The following RPS6KC1 variants were observed in gnomAD, a reference collection of about 807,000 sequenced individuals.
The protein encoded by RPS6KC1 is ribosomal protein S6 kinase C1.
Under a neutral mutation model 103.8 loss-of-function variants are expected in RPS6KC1, and 54 were observed. That is an observed-to-expected ratio of 0.52 (90% CI 0.42 to 0.65). RPS6KC1 has a LOEUF of 0.65. RPS6KC1 is among the 30% of genes least tolerant of loss of function. The pLI is 0.00. For missense variants in RPS6KC1, 1,151 were observed against 1,253.8 expected, an observed-to-expected ratio of 0.92 and a Z score of 1.24; for synonymous variants, 439 against 438.7, an observed-to-expected ratio of 1.00 and a Z score of -0.01.
At chr1:213,758,908 G>T in the RPS6KC1 span, among the ~76,000 whole-genome samples, 5 of 152,000 alleles carry the variant, frequency 3.3e-5, no homozygotes, top group South Asian at 4.2e-4. Flanking sequence ...GACAACAAAA[G>T]ATTTAGAATA....
At chr1:213,450,023 A>G in the RPS6KC1 span, among the ~76,000 whole-genome samples, 2 of 152,168 alleles carry the variant, frequency 1.3e-5, no homozygotes, top group African/African-American at 4.8e-5. Flanking sequence ...AACAGGAACT[A>G]GTTGCCTTCA....
chr1:213,188,430 T>C (rs1299833477), intron 8 of RPS6KC1, among the ~76,000 whole-genome samples: 1 of 152,046 alleles, frequency 6.6e-6, no homozygotes, highest in Admixed American at 6.6e-5. Context: ...TTGTTTGTTT[T>C]TTTCTTACTT....
At chr1:213,086,555 T>C (rs1322089960) in intron 3 of RPS6KC1, among the ~76,000 whole-genome samples, 1 of 152,210 alleles carries the variant, frequency 6.6e-6, no homozygotes, top group Non-Finnish European at 1.5e-5. Context: ...CTAAGAGTTG[T>C]CTTTTATTTC....
the RPS6KC1 span, among the ~76,000 whole-genome samples, chr1:213,335,522 G>T: frequency 6.6e-6 from 1 of 152,218 alleles, no homozygotes; most frequent in African/African-American, 2.4e-5. Flanking sequence ...CAGCAGAAAG[G>T]ACAGAAGGGC....
At chr1:213,574,063 A>C in the RPS6KC1 span, among the ~76,000 whole-genome samples, 1 of 152,228 alleles carries the variant, frequency 6.6e-6, no homozygotes, top group African/African-American at 2.4e-5. Context: ...GCAAATCAGA[A>C]GTAAAAACAA....
chr1:213,331,969 G>A, the RPS6KC1 span, among the ~76,000 whole-genome samples: 2 of 151,062 alleles, frequency 1.3e-5, no homozygotes, highest in African/African-American at 4.9e-5. Context: ...TGTCTGTTTG[G>A]GCTCCCAGAT....
At chr1:213,534,051 T>G in the RPS6KC1 span, among the ~76,000 whole-genome samples, 1 of 152,198 alleles carries the variant, frequency 6.6e-6, no homozygotes, top group Admixed American at 6.5e-5. Flanking sequence ...ATGATCTCTT[T>G]CCAGGATAGC....
the RPS6KC1 span, among the ~76,000 whole-genome samples, chr1:213,807,513 A>G: frequency 2.6e-5 from 4 of 151,772 alleles, no homozygotes; most frequent in Admixed American, 2.6e-4. Flanking sequence ...TTCCCTTCTC[A>G]CTTCATTTCA....
chr1:213,329,713 C>T, the RPS6KC1 span, among the ~76,000 whole-genome samples: 2 of 152,110 alleles, frequency 1.3e-5, no homozygotes, highest in African/African-American at 4.8e-5. Context: ...TTTCCCATTT[C>T]CTTAGATCTT....
chr1:213,308,009 C>T, the RPS6KC1 span, among the ~76,000 whole-genome samples: 10 of 151,960 alleles, frequency 6.6e-5, no homozygotes, highest in Admixed American at 6.6e-4. Flanking sequence ...GGGCTATGGC[C>T]AAATTTAAAG....
chr1:213,727,422 A>C, the RPS6KC1 span, among the ~76,000 whole-genome samples: 4 of 152,234 alleles, frequency 2.6e-5, no homozygotes, highest in African/African-American at 9.6e-5. Context: ...AGCTTAGACT[A>C]TGTGGATTTC....
chr1:213,073,941 G>A (rs1032379552), intron 2 of RPS6KC1, among the ~76,000 whole-genome samples: 1 of 152,144 alleles, frequency 6.6e-6, no homozygotes, highest in Non-Finnish European at 1.5e-5. Context: ...CTCCCAAAAT[G>A]CTGTGATTAC....
chr1:213,812,862 G>A, the RPS6KC1 span, among the ~76,000 whole-genome samples: 4 of 152,126 alleles, frequency 2.6e-5, no homozygotes, highest in Non-Finnish European at 5.9e-5. Context: ...CAGCAGTCCC[G>A]AAGGGCTTGT....
At chr1:213,205,124 G>C (rs764280396) in intron 8 of RPS6KC1, 5 of 294,112 alleles carry the variant, frequency 1.7e-5, no homozygotes, top group Non-Finnish European at 2.5e-5. Context: ...GTAGAATTGT[G>C]TTGTATACCT....
At chr1:213,079,192 A>G (rs894733055) in intron 3 of RPS6KC1, among the ~76,000 whole-genome samples, 1 of 152,158 alleles carries the variant, frequency 6.6e-6, no homozygotes, top group Non-Finnish European at 1.5e-5. Context: ...TTTATTAACC[A>G]ATCTTTTACT....
the RPS6KC1 span, among the ~76,000 whole-genome samples, chr1:213,693,606 A>T: frequency 6.6e-6 from 1 of 152,092 alleles, no homozygotes; most frequent in Non-Finnish European, 1.5e-5. Flanking sequence ...AATGGAGACC[A>T]CCCTGCCTGC....
At chr1:213,149,762 T>A (rs1476063212) in intron 6 of RPS6KC1, among the ~76,000 whole-genome samples, 1 of 152,224 alleles carries the variant, frequency 6.6e-6, no homozygotes, top group African/African-American at 2.4e-5. Flanking sequence ...CCAGCTATTA[T>A]TAGATTGGGG....
chr1:213,111,562 T>A (rs796524947), intron 4 of RPS6KC1, among the ~76,000 whole-genome samples: 74 of 152,322 alleles, frequency 4.9e-4, no homozygotes, highest in African/African-American at 1.7e-3. Flanking sequence ...CTAAAACATT[T>A]TGCATTTTAA....
the RPS6KC1 span, among the ~76,000 whole-genome samples, chr1:213,414,164 C>G: frequency 1.3e-5 from 2 of 152,162 alleles, no homozygotes; most frequent in South Asian, 2.1e-4. Context: ...TCAGAGGGAC[C>G]TTACCAACGC....
Sources: allele counts gnomAD v4.1 joint callset (sites outside exome capture counted in the v4.1 genomes callset), GRCh38; gene constraint gnomAD v4.1.1; transcripts MANE v1.5; gene names NCBI Gene and HGNC (gene_info 2026-07-23, HGNC 2026-07-21).